The following SLCO5A1 variants were observed in gnomAD, a reference collection of about 807,000 sequenced individuals.
SLCO5A1 encodes solute carrier organic anion transporter family member 5A1, also known as organic anion transporter polypeptide-related protein 4.
Under a neutral mutation model 65.1 loss-of-function variants are expected in SLCO5A1, and 39 were observed. That is an observed-to-expected ratio of 0.60 (90% CI 0.46 to 0.78). SLCO5A1 has a LOEUF of 0.78. Ranked by LOEUF, SLCO5A1 falls within the 30% of genes least tolerant of loss-of-function variation. The pLI is 0.00. For missense variants in SLCO5A1, 1,029 were observed against 1,069.4 expected, an observed-to-expected ratio of 0.96 and a Z score of 0.53; for synonymous variants, 438 against 415.7, an observed-to-expected ratio of 1.05 and a Z score of -0.65.
intron 6 of SLCO5A1, among the ~76,000 whole-genome samples, chr8:69,688,700 G>A (rs1042245671): frequency 8.5e-5 from 13 of 152,134 alleles, no homozygotes; most frequent in African/African-American, 3.1e-4. Context: ...GTATTCCATG[G>A]TGTATATGTG....
At chr8:69,682,872 G>C (rs1813843002) in intron 6 of SLCO5A1, among the ~76,000 whole-genome samples, 2 of 152,072 alleles carry the variant, frequency 1.3e-5, no homozygotes, top group Non-Finnish European at 2.9e-5. Flanking sequence ...AAAGGCATTG[G>C]GGCTCTAGAC....
chr8:69,705,519 T>A (rs1814931453), intron 5 of SLCO5A1, among the ~76,000 whole-genome samples: 1 of 151,590 alleles, frequency 6.6e-6, no homozygotes, highest in Admixed American at 6.6e-5. Context: ...AAAGACAAAA[T>A]CCAGACAAAC....
rs780579402 is a variant in SLCO5A1 at position 69,673,065 on chromosome 8, ACT to A, written c.2349_2350del (p.Arg783SerfsTer10). 6.2e-7 allele frequency: 1 copy of A among 1,613,978 alleles called. No individual in the cohort carries two copies. Among genetic ancestry groups the A allele is most frequent in the Non-Finnish European group, 8.5e-7 (1 of 1,180,006 alleles). On this transcript the variant is annotated frameshift_variant, in exon 10 of 10. Coordinates refer to ENST00000260126, the MANE Select transcript of SLCO5A1 (RefSeq NM_030958.3). LOFTEE classifies it high-confidence loss of function. ...AGTCCGGGCATTGTCGGGGTGTCCC[ACT>A]CTCTCACTCACGGTGCTCAGGGGAA...
At chr8:69,801,768 C>G (rs1819747500) in intron 2 of SLCO5A1, among the ~76,000 whole-genome samples, 1 of 152,124 alleles carries the variant, frequency 6.6e-6, no homozygotes, top group South Asian at 2.1e-4. Context: ...AGTCACTCAC[C>G]CAGAGTGACT....
intron 6 of SLCO5A1, among the ~76,000 whole-genome samples, chr8:69,697,813 A>G (rs1465898374): frequency 6.6e-6 from 1 of 152,224 alleles, no homozygotes; most frequent in Non-Finnish European, 1.5e-5. Context: ...AATGGTTTCC[A>G]AGTCCCCAGA....
At chr8:69,825,075 C>T (rs1820813498) in intron 2 of SLCO5A1, among the ~76,000 whole-genome samples, 1 of 152,210 alleles carries the variant, frequency 6.6e-6, no homozygotes, top group Admixed American at 6.5e-5. Flanking sequence ...CAAAATTCAA[C>T]AATGCTTCAT....
At chr8:69,825,977 A>G (rs930590215) in intron 2 of SLCO5A1, among the ~76,000 whole-genome samples, 3 of 152,242 alleles carry the variant, frequency 2.0e-5, no homozygotes, top group African/African-American at 2.4e-5. Flanking sequence ...ATAACGCTGC[A>G]TATCTACAAC....
intron 2 of SLCO5A1, among the ~76,000 whole-genome samples, chr8:69,774,412 T>A (rs1482305735): frequency 6.6e-6 from 1 of 152,156 alleles, no homozygotes; most frequent in African/African-American, 2.4e-5. Context: ...CCAAGGTGGG[T>A]TTGCTGGGTC....
intron 5 of SLCO5A1, among the ~76,000 whole-genome samples, chr8:69,726,201 A>T (rs1816067940): frequency 6.6e-6 from 1 of 152,240 alleles, no homozygotes; most frequent in South Asian, 2.1e-4. Context: ...GTCAACAGAC[A>T]TTTTCCTGCA....
At chr8:69,816,344 T>A (rs377264029) in intron 2 of SLCO5A1, among the ~76,000 whole-genome samples, 22 of 152,190 alleles carry the variant, frequency 1.4e-4, no homozygotes, top group Middle Eastern at 3.2e-3. Flanking sequence ...TGAAAACCAC[T>A]GTTTTAGAAT....
chr8:69,728,574 G>C (rs1816194437), intron 5 of SLCO5A1, among the ~76,000 whole-genome samples: 1 of 152,058 alleles, frequency 6.6e-6, no homozygotes, highest in African/African-American at 2.4e-5. Context: ...AATGGCCTTT[G>C]AACAAAACAA....
chr8:69,827,527 C>A (rs963401221), intron 2 of SLCO5A1, among the ~76,000 whole-genome samples: 3 of 152,154 alleles, frequency 2.0e-5, no homozygotes, highest in Non-Finnish European at 4.4e-5. Flanking sequence ...TTAAGATATA[C>A]AATTACATTC....
chr8:69,804,127 C>T (rs925856632), intron 2 of SLCO5A1, among the ~76,000 whole-genome samples: 2 of 152,002 alleles, frequency 1.3e-5, no homozygotes, highest in Non-Finnish European at 2.9e-5. Context: ...AGAGACCATG[C>T]AAAAGTTAAG....
At chr8:69,748,702 G>A (rs1479355534) in intron 4 of SLCO5A1, among the ~76,000 whole-genome samples, 1 of 152,160 alleles carries the variant, frequency 6.6e-6, no homozygotes, top group East Asian at 1.9e-4. Context: ...GGAAAACAAA[G>A]TTTTTCCTAA....
At chr8:69,690,053 G>C (rs976237095) in intron 6 of SLCO5A1, among the ~76,000 whole-genome samples, 1 of 85,944 alleles carries the variant, frequency 1.2e-5, no homozygotes. Context: ...TTGCGGGTAC[G>C]GGGGGGCGCC....
At chr8:69,778,071 TA>T (rs1818634638) in intron 2 of SLCO5A1, among the ~76,000 whole-genome samples, 1 of 152,252 alleles carries the variant, frequency 6.6e-6, no homozygotes, top group Non-Finnish European at 1.5e-5. Context: ...CTACTGTGAC[TA>T]ATTTATAAAT....
Position 69,744,031 on chromosome 8 carries a change from G to A in SLCO5A1, c.1259-5827C>T, listed in dbSNP as rs1194573173. ...CACATCCCTATCTGCCAGGGGCCCA[G>A]CTGCTGGGGCTTCTCCTCTCCCCTG... On this transcript the variant is annotated intron_variant, in intron 4 of 9. Coordinates refer to ENST00000260126, the MANE Select transcript of SLCO5A1 (RefSeq NM_030958.3). Among the ~76,000 whole-genome samples the A allele has an allele frequency of 5.9e-5, 9 of 152,266 alleles. No homozygotes were observed. The South Asian group carries it at 1.7e-3, about 28-fold the overall frequency.
At position 69,682,241 on chromosome 8, in the gene SLCO5A1, A is replaced by G. The variant is rs747348605; in HGVS notation, c.1725T>C (p.Ile575=). 5 of 1,613,226 alleles carry G rather than the reference A, an allele frequency of 3.1e-6. No individual in the cohort carries two copies. The highest frequency in any genetic ancestry group is 2.7e-5 in the African/African-American group (2 of 74,886). Residue 575 remains isoleucine (I), a synonymous_variant, in exon 7 of 10, where the codon ATT becomes ATC. Transcript: ENST00000260126. The stretch of plus-strand genomic sequence containing the variant: ...CAGCCAGACAAGGGTTAAAGTATGT[A>G]ATTCCATCTGATCCACAGACTGGCT... ...EYEPVCGSDG[I]TYFNPCLAGC...
chr8:69,748,845 G>T (rs1334226313), intron 4 of SLCO5A1, among the ~76,000 whole-genome samples: 1 of 152,078 alleles, frequency 6.6e-6, no homozygotes, highest in Admixed American at 6.6e-5. Flanking sequence ...TGTGGACTGG[G>T]GCCTAAAGAC....
Sources: gnomAD v4.1 joint callset for allele counts (sites outside exome capture counted in the v4.1 genomes callset) on GRCh38, gnomAD v4.1.1 for gene constraint, MANE v1.5 for transcripts, NCBI Gene and HGNC (gene_info 2026-07-23, HGNC 2026-07-21) for gene names.